DGKI: variants seen among roughly 807,000 people sequenced by gnomAD.
The protein encoded by DGKI is diacylglycerol kinase iota, also known as DAG kinase iota.
In DGKI, 55 loss-of-function variants were observed where a neutral mutation model predicts 147.5. The observed-to-expected ratio is 0.37, with a 90% CI of 0.30 to 0.47. DGKI has a LOEUF of 0.47. DGKI is among the 20% of genes least tolerant of loss of function. DGKI has a pLI of 1.00. For synonymous variants in DGKI, 469 were observed against 477.1 expected (o/e 0.98, Z 0.22); for missense variants, 1,007 against 1,323.8 (o/e 0.76, Z 3.71).
chr7:137,508,388 A>G (rs1483506998), intron 21 of DGKI, among the ~76,000 whole-genome samples: 1 of 151,518 alleles, frequency 6.6e-6, no homozygotes, highest in Middle Eastern at 3.2e-3. Flanking sequence ...CACCATGTCC[A>G]GCTAATTTTT....
chr7:137,403,219 C>A (rs1811829283), intron 30 of DGKI, among the ~76,000 whole-genome samples: 1 of 152,170 alleles, frequency 6.6e-6, no homozygotes, highest in Non-Finnish European at 1.5e-5. Flanking sequence ...CTCCCCGAGT[C>A]TCTTTTCAAC....
intron 1 of DGKI, among the ~76,000 whole-genome samples, chr7:137,739,207 A>C (rs953989091): frequency 6.6e-6 from 1 of 152,120 alleles, no homozygotes; most frequent in African/African-American, 2.4e-5. Flanking sequence ...CTTTGCACCA[A>C]GTAACCTCAG....
At chr7:137,469,714 C>G (rs1344361830) in intron 23 of DGKI, 95 bp from the exon 24 acceptor site, 9 of 1,120,214 alleles carry the variant, frequency 8.0e-6, no homozygotes, top group Non-Finnish European at 2.6e-6. Flanking sequence ...ACACAAAGCA[C>G]TGGTGAGAAG....
At chr7:137,427,073 C>T (rs1374253313) in intron 28 of DGKI, among the ~76,000 whole-genome samples, 1 of 151,790 alleles carries the variant, frequency 6.6e-6, no homozygotes, top group Admixed American at 6.6e-5. Context: ...ACAGAACTCT[C>T]CAACCCAAAT....
chr7:137,773,708 C>T (rs1310337618), intron 1 of DGKI, among the ~76,000 whole-genome samples: 2 of 151,818 alleles, frequency 1.3e-5, no homozygotes, highest in Non-Finnish European at 2.9e-5. Context: ...ATAATGATAA[C>T]CAAAATACAA....
Position 137,846,457 on chromosome 7 carries a change from C to T in DGKI, c.401+5G>A, listed in dbSNP as rs1403383643. ...CTGTCTCGGCTGCCGGCTCCCCGCA[C>T]CTACCTGTACGAGACCTGCTTCCGG... On this transcript the variant is annotated splice_donor_5th_base_variant and intron_variant, in intron 1 of 32. Coordinates refer to ENST00000614521, the MANE Select transcript of DGKI (RefSeq NM_001321708.2). The surrounding 1 kb of genome is among the most constrained non-coding windows in gnomAD (Gnocchi z 4.0). 3 of 1,586,924 alleles carry T rather than the reference C, an allele frequency of 1.9e-6. No individual in the cohort carries two copies. Among genetic ancestry groups the T allele is most frequent in the South Asian group, 1.1e-5 (1 of 90,756 alleles).
Position 137,513,605 on chromosome 7 carries a change from T to C in DGKI, c.2248+8261A>G, listed in dbSNP as rs1311887189. Among the ~76,000 whole-genome samples, 4 of 152,204 alleles carry C rather than the reference T, an allele frequency of 2.6e-5. No homozygotes were observed. In the East Asian group the frequency reaches 7.7e-4, roughly 29 times the overall value. ...ATGTCGTTAGGTGATTTCTTCATTG[T>C]GTGAACATCATAGAGTGTACTTAAC... On this transcript the variant is annotated intron_variant, in intron 21 of 32. Coordinates refer to ENST00000614521, the MANE Select transcript of DGKI (RefSeq NM_001321708.2).
intron 28 of DGKI, among the ~76,000 whole-genome samples, chr7:137,440,081 C>T (rs2128915362): frequency 6.6e-6 from 1 of 152,284 alleles, no homozygotes; most frequent in South Asian, 2.1e-4. Flanking sequence ...AAGATGAGTT[C>T]TCAGAGCCAG....
chr7:137,728,816 C>T (rs1348583949), intron 1 of DGKI, among the ~76,000 whole-genome samples: 1 of 152,096 alleles, frequency 6.6e-6, no homozygotes, highest in Non-Finnish European at 1.5e-5. Context: ...TTAAATCTGG[C>T]TGGCAGGGGA....
At chr7:137,765,909 C>A (rs1483748170) in intron 1 of DGKI, among the ~76,000 whole-genome samples, 1 of 152,130 alleles carries the variant, frequency 6.6e-6, no homozygotes, top group Non-Finnish European at 1.5e-5. Flanking sequence ...TAGGAGAAGT[C>A]ACATCTATAC....
intron 23 of DGKI, among the ~76,000 whole-genome samples, chr7:137,471,491 A>C (rs6467704): frequency 0.19 from 28,946 of 152,092 alleles, 4,073 homozygotes; most frequent in African/African-American, 0.4. Context: ...AAAGCCTGGG[A>C]TTAAATCACT....
chr7:137,463,763 ATTCAT>A, intron 26 of DGKI, 152 bp from the exon 27 acceptor site: 1 of 836,738 alleles, frequency 1.2e-6, no homozygotes, highest in Non-Finnish European at 1.8e-6. Flanking sequence ...TTATTATTTC[ATTCAT>A]TTATCTCAAC....
chr7:137,579,473 CTTAA>C (rs1054094404), intron 15 of DGKI, among the ~76,000 whole-genome samples: 2 of 149,876 alleles, frequency 1.3e-5, no homozygotes, highest in African/African-American at 4.9e-5. Context: ...AGGCTATTTG[CTTAA>C]TTATATATTT....
chr7:137,434,517 G>T (rs887823695), intron 28 of DGKI, among the ~76,000 whole-genome samples: 16 of 152,140 alleles, frequency 1.1e-4, no homozygotes, highest in African/African-American at 3.9e-4. Context: ...GGAGACGGAG[G>T]TTGCAGTGAG....
At chr7:137,743,959 G>A (rs59236934) in intron 1 of DGKI, among the ~76,000 whole-genome samples, 4,510 of 148,220 alleles carry the variant, frequency 0.03, 166 homozygotes, top group East Asian at 0.14. Flanking sequence ...CTCCAGCCTG[G>A]GTGACAGAGT....
chr7:137,833,283 A>T (rs1442153496), intron 1 of DGKI, among the ~76,000 whole-genome samples: 2 of 152,172 alleles, frequency 1.3e-5, no homozygotes, highest in African/African-American at 4.8e-5. Flanking sequence ...TTTACAGAAG[A>T]GGTTTATTAG....
intron 6 of DGKI, among the ~76,000 whole-genome samples, chr7:137,632,612 A>G (rs1292293449): frequency 6.6e-6 from 1 of 152,186 alleles, no homozygotes; most frequent in East Asian, 1.9e-4. Context: ...TAATCCCAGC[A>G]TTTTGGGAGG....
intron 1 of DGKI, chr7:137,722,853 A>G: frequency 9.3e-7 from 1 of 1,069,652 alleles, no homozygotes; most frequent in Non-Finnish European, 1.4e-6. Flanking sequence ...TGGTGTTCTA[A>G]ATGTCTTAAG....
chr7:137,846,959 C>A lies in DGKI; in HGVS notation c.-97G>T, dbSNP rs1406591265. The A allele has an allele frequency of 2.1e-6, 2 of 931,294 alleles. No homozygotes were observed. Among genetic ancestry groups the A allele is most frequent in the Non-Finnish European group, 2.6e-6 (2 of 771,072 alleles). The allele number at this position is 931,294 out of a possible 1,614,324, so 57.7% of individuals were successfully genotyped here. On this transcript the variant is annotated 5_prime_UTR_variant, in exon 1 of 33. Coordinates refer to ENST00000614521, the MANE Select transcript of DGKI (RefSeq NM_001321708.2). The surrounding 1 kb of genome is among the most constrained non-coding windows in gnomAD (Gnocchi z 4.0). ...CCGCTCCCCGCCTCCCGCGCCCTCC[C>A]GCGCCGGCCCGCACCCTCCAGCCCC...
Sources: gnomAD v4.1 joint callset for allele counts (sites outside exome capture counted in the v4.1 genomes callset) on GRCh38, gnomAD v4.1.1 for gene constraint, Gnocchi (gnomAD v3.1) non-coding constraint, MANE v1.5 for transcripts, NCBI Gene and HGNC (gene_info 2026-07-23, HGNC 2026-07-21) for gene names.